LRCH2: variants seen among roughly 807,000 people sequenced by gnomAD.
LRCH2 encodes leucine-rich repeat and calponin homology domain-containing protein 2.
Under a neutral mutation model 68.9 loss-of-function variants are expected in LRCH2, and 38 were observed. The observed-to-expected ratio is 0.55, with a 90% CI of 0.43 to 0.72. The LOEUF is 0.72. LRCH2 is among the 30% of genes least tolerant of loss of function. The pLI is 0.00. For missense variants in LRCH2, 528 were observed against 572.9 expected (o/e 0.92, Z 0.80); for synonymous variants, 191 against 208.1 (o/e 0.92, Z 0.71).
chrX:115,142,680 T>C (rs782516874), intron 14 of LRCH2, among the ~76,000 whole-genome samples: 3 of 111,414 alleles, frequency 2.7e-5, no homozygotes, highest in East Asian at 5.7e-4. Flanking sequence ...AAAAACAGTA[T>C]TAACAGGAAA....
At chrX:115,160,864 T>TAAACTAAAA (rs2072513556) in intron 11 of LRCH2, among the ~76,000 whole-genome samples, 1 of 111,738 alleles carries the variant, frequency 8.9e-6, no homozygotes, top group Non-Finnish European at 1.9e-5. Flanking sequence ...ATTGTGACAG[T>TAAACTAAAA]AAACTAAAAA....
intron 1 of LRCH2, among the ~76,000 whole-genome samples, chrX:115,219,494 G>A (rs1400726723): frequency 8.9e-6 from 1 of 111,850 alleles, no homozygotes; most frequent in East Asian, 2.8e-4. Context: ...GCAGCTGCCA[G>A]TAAGACAAGA....
chrX:115,123,013 C>T (rs1281827107), intron 18 of LRCH2, 67 bp downstream of exon 18: 21 of 1,098,690 alleles, frequency 1.9e-5, no homozygotes, highest in Admixed American at 5.1e-5. Flanking sequence ...GAAATCTGTA[C>T]GCCTTATTAA....
At chrX:115,183,746 A>G (rs782526317) in intron 3 of LRCH2, among the ~76,000 whole-genome samples, 3 of 112,283 alleles carry the variant, frequency 2.7e-5, no homozygotes, top group African/African-American at 9.7e-5. Context: ...ATTCAAAATA[A>G]AAGAAAAACA....
At chrX:115,127,207 C>T (rs1239229728) in intron 15 of LRCH2, among the ~76,000 whole-genome samples, 1 of 111,414 alleles carries the variant, frequency 9.0e-6, no homozygotes, top group Non-Finnish European at 1.9e-5. Flanking sequence ...ATAGCAGGGA[C>T]GTGTTACCAA....
rs782756352 is a variant in LRCH2, at chrX:115,122,835, C to A, written c.2025G>T (p.Gly675=). Residue 675 remains glycine (G), a synonymous_variant, in exon 19 of 21, where the codon GGG becomes GGT. Coordinates refer to ENST00000317135, the MANE Select transcript of LRCH2 (RefSeq NM_020871.4). The part of the protein sequence containing the change: ...PDDIGAALMD[G]VVLCHLANHI... ...GATTGGCTAAATGGCAAAGAACAAC[C>A]CCATCCATCAGTGCAGCTCCAATGT... is the stretch of plus-strand genomic sequence containing the variant. The A allele has an allele frequency of 8.3e-7, 1 of 1,209,827 alleles. No individual in the cohort carries two copies. The highest frequency in any genetic ancestry group is 1.8e-5 in the South Asian group (1 of 56,780).
At chrX:115,120,148 A>T (rs1277841134) in intron 20 of LRCH2, among the ~76,000 whole-genome samples, 3 of 99,194 alleles carry the variant, frequency 3.0e-5, no homozygotes, top group Admixed American at 1.1e-4. Context: ...AGCAATGGCA[A>T]CAAAAGCCAA....
intron 1 of LRCH2, among the ~76,000 whole-genome samples, chrX:115,211,347 T>C (rs1284843301): frequency 9.0e-6 from 1 of 111,584 alleles, no homozygotes; most frequent in South Asian, 3.8e-4. Flanking sequence ...GGAGGTTCCC[T>C]GCACAAGCTC....
At chrX:115,137,925 G>C (rs1003532709) in intron 14 of LRCH2, among the ~76,000 whole-genome samples, 3 of 110,453 alleles carry the variant, frequency 2.7e-5, no homozygotes, top group Non-Finnish European at 5.7e-5. Context: ...CCCCAGCCTG[G>C]GTGACACAGC....
chrX:115,184,436 C>T lies in LRCH2; in HGVS notation c.596G>A (p.Gly199Glu), dbSNP rs1556553679. ...CAATTCCATTAAATCTTTTAACTTC[C>T]CAATTTCTTCTGGAATGGATACCAG... The part of the protein sequence containing the change: ...NKLVSIPEEI[G>E]KLKDLMELDI... Residue 199 changes from glycine (G) to glutamate (E), a missense_variant, in exon 3 of 21, where the codon GGG (glycine) becomes GAG (glutamate). By Grantham distance (98) the Gly-to-Glu change is moderately conservative. Transcript: ENST00000317135. 2 of 1,176,673 alleles carry T rather than the reference C, an allele frequency of 1.7e-6. No individual in the cohort carries two copies. Among genetic ancestry groups the T allele is most frequent in the Non-Finnish European group, 2.3e-6 (2 of 877,292 alleles).
intron 6 of LRCH2, among the ~76,000 whole-genome samples, chrX:115,167,541 C>G (rs1410332041): frequency 9.1e-6 from 1 of 110,436 alleles, no homozygotes; most frequent in Non-Finnish European, 1.9e-5. Context: ...GAGGCAATAA[C>G]TGTTAGCATT....
At chrX:115,218,560 C>G (rs188478890) in intron 1 of LRCH2, among the ~76,000 whole-genome samples, 345 of 112,616 alleles carry the variant, frequency 3.1e-3, no homozygotes, top group African/African-American at 0.01. Context: ...ACTTCAGCCT[C>G]TGATTGTTTG....
chrX:115,119,157 A>G (rs1260733824), intron 20 of LRCH2, among the ~76,000 whole-genome samples: 3 of 110,100 alleles, frequency 2.7e-5, no homozygotes, highest in Non-Finnish European at 5.7e-5. Context: ...TAGTGTTGGA[A>G]GTTCTGGCCA....
intron 1 of LRCH2, chrX:115,189,394 C>A: frequency 8.9e-7 from 1 of 1,129,853 alleles, no homozygotes; most frequent in Non-Finnish European, 1.2e-6. Flanking sequence ...ACTGAACTGC[C>A]GCGTCATCAC....
intron 14 of LRCH2, among the ~76,000 whole-genome samples, chrX:115,144,892 T>A (rs1408785956): frequency 8.9e-6 from 1 of 111,863 alleles, no homozygotes; most frequent in Admixed American, 9.5e-5. Context: ...ATAGATTCAA[T>A]GCAATCCCTA....
intron 1 of LRCH2, among the ~76,000 whole-genome samples, chrX:115,208,476 T>C (rs1343947946): frequency 1.8e-5 from 2 of 111,602 alleles, no homozygotes; most frequent in African/African-American, 6.5e-5. Flanking sequence ...TGGTCAATAA[T>C]CTTAAGTAAC....
intron 1 of LRCH2, among the ~76,000 whole-genome samples, chrX:115,227,953 C>G (rs1279756575): frequency 1.7e-4 from 19 of 111,785 alleles, no homozygotes; most frequent in Non-Finnish European, 3.6e-4. Flanking sequence ...AAAGAACTTA[C>G]TTTCCTATTT....
At chrX:115,168,707 G>A (rs2072583508) in intron 6 of LRCH2, among the ~76,000 whole-genome samples, 1 of 110,514 alleles carries the variant, frequency 9.0e-6, no homozygotes, top group African/African-American at 3.3e-5. Context: ...TAGACCCCCT[G>A]ATCTCTTGGC....
At chrX:115,137,886 T>A (rs1373385488) in intron 14 of LRCH2, among the ~76,000 whole-genome samples, 2 of 109,430 alleles carry the variant, frequency 1.8e-5, no homozygotes, top group Non-Finnish European at 3.8e-5. Context: ...CAGGCAGAGG[T>A]TGCAGTGAGC....
Sources: allele counts gnomAD v4.1 joint callset (sites outside exome capture counted in the v4.1 genomes callset), GRCh38; gene constraint gnomAD v4.1.1; transcripts MANE v1.5; gene names NCBI Gene and HGNC (gene_info 2026-07-23, HGNC 2026-07-21).